The following JARID2 variants were observed in gnomAD, a reference collection of about 807,000 sequenced individuals.
The protein encoded by JARID2 is jumonji and AT-rich interaction domain containing 2, also known as protein Jumonji.
A neutral mutation model predicts 125.6 loss-of-function variants in JARID2; 21 were observed. The ratio of observed to expected loss-of-function variants is 0.17; its 90% CI spans 0.12 to 0.24. The LOEUF is 0.24. Among genes scored for constraint, JARID2 ranks in the 10% least tolerant of loss-of-function variants. The pLI is 1.00. For synonymous variants in JARID2, 736 were observed against 661.6 expected (o/e 1.11, Z -1.73); for missense variants, 1,303 against 1,639.6 (o/e 0.79, Z 3.55).
intron 4 of JARID2, among the ~76,000 whole-genome samples, chr6:15,463,078 A>AT (rs144808476): frequency 0.031 from 4,726 of 152,122 alleles, 232 homozygotes; most frequent in African/African-American, 0.11. Context: ...CCAAGTTCAG[A>AT]TTTTTTTTAC....
rs766824162 is a variant in JARID2, at chr6:15,496,120, G to C, written c.907-12G>C. On this transcript the variant is annotated splice_polypyrimidine_tract_variant and intron_variant, in intron 6 of 17. Transcript: ENST00000341776. ...TGCGTTTTTTTCCACCTCTGCTTCT[G>C]CTGCTCCACAGGTTTCTAAGGTAAA... 6.3e-7 allele frequency: 1 copy of C among 1,593,092 alleles called. No individual in the cohort carries two copies. The highest frequency in any genetic ancestry group is 8.6e-7 in the Non-Finnish European group (1 of 1,167,640).
chr6:15,496,416 C>T lies in JARID2; in HGVS notation c.1191C>T (p.Ser397=). The T allele has an allele frequency of 6.2e-7, 1 of 1,613,736 alleles. No homozygotes were observed. Among genetic ancestry groups the T allele is most frequent in the Non-Finnish European group, 8.5e-7 (1 of 1,179,900 alleles). ...AGGTGCTATCCCTCGGGGGGGCGTC[C>T]AAGTCCACTGGGCCCGCCGTCAATG... ...RKQVLSLGGA[S]KSTGPAVNGL... The change falls in exon 7 of 18, where the codon TCC becomes TCT. Residue 397 remains serine (S), a synonymous_variant. Transcript: ENST00000341776.
chr6:15,406,894 C>T (rs758576849), intron 2 of JARID2, among the ~76,000 whole-genome samples: 3 of 152,054 alleles, frequency 2.0e-5, no homozygotes, highest in Non-Finnish European at 2.9e-5. Flanking sequence ...CTATTTGTCA[C>T]GTTGGCTGAT....
At chr6:15,512,173 G>A in intron 13 of JARID2, 35 bp from the exon 14 acceptor site, 1 of 1,600,880 alleles carries the variant, frequency 6.2e-7, no homozygotes, top group Non-Finnish European at 8.5e-7. Flanking sequence ...CCTGCGCACA[G>A]GGAGGGGTGC....
intron 1 of JARID2, among the ~76,000 whole-genome samples, chr6:15,304,627 AAAATCAATCAAC>A (rs1343483391): frequency 4.6e-5 from 7 of 152,134 alleles, no homozygotes; most frequent in African/African-American, 1.4e-4. Flanking sequence ...TCTCTTTAAA[AAAATCAATCAAC>A]AAATATTTAT....
chr6:15,331,695 G>A (rs1160798700), intron 1 of JARID2, among the ~76,000 whole-genome samples: 1 of 151,924 alleles, frequency 6.6e-6, no homozygotes, highest in African/African-American at 2.4e-5. Context: ...GAGAAACCCC[G>A]ACTCTACAAA....
chr6:15,303,043 G>A (rs184205394), intron 1 of JARID2, among the ~76,000 whole-genome samples: 1 of 152,300 alleles, frequency 6.6e-6, no homozygotes, highest in Admixed American at 6.5e-5. Flanking sequence ...ATTTTTCAAA[G>A]TGAGCAATGG....
At chr6:15,356,850 A>C (rs903745678) in intron 1 of JARID2, among the ~76,000 whole-genome samples, 2 of 151,996 alleles carry the variant, frequency 1.3e-5, no homozygotes, top group Non-Finnish European at 2.9e-5. Flanking sequence ...CCCCATCTCT[A>C]TTAAAAATAC....
At chr6:15,509,731 G>C (rs1472016387) in intron 12 of JARID2, among the ~76,000 whole-genome samples, 1 of 152,228 alleles carries the variant, frequency 6.6e-6, no homozygotes, top group Non-Finnish European at 1.5e-5. Context: ...GTCATCCCCA[G>C]GCCAGTGACC....
chr6:15,386,312 GTGTGTGTGTA>G (rs1764784918), intron 2 of JARID2, among the ~76,000 whole-genome samples: 1 of 149,324 alleles, frequency 6.7e-6, no homozygotes. Flanking sequence ...TTCTGTGTGG[GTGTGTGTGTA>G]TGTGTGTGTT....
At chr6:15,402,496 TGTTA>T (rs777557905) in intron 2 of JARID2, among the ~76,000 whole-genome samples, 2 of 152,220 alleles carry the variant, frequency 1.3e-5, no homozygotes, top group Non-Finnish European at 2.9e-5. Context: ...AATTTGGGCC[TGTTA>T]GTTTATCTGA....
chr6:15,357,127 C>G (rs1581450564), intron 1 of JARID2, among the ~76,000 whole-genome samples: 2 of 152,188 alleles, frequency 1.3e-5, no homozygotes, highest in African/African-American at 4.8e-5. Flanking sequence ...GGGAACGAAG[C>G]CTTACTGGCA....
intron 1 of JARID2, chr6:15,369,282 C>A: frequency 2.2e-6 from 1 of 458,636 alleles, no homozygotes. Flanking sequence ...CCACTTGGCA[C>A]AGTGTTTTTT....
At chr6:15,401,240 C>G (rs2127555584) in intron 2 of JARID2, among the ~76,000 whole-genome samples, 1 of 152,158 alleles carries the variant, frequency 6.6e-6, no homozygotes, top group South Asian at 2.1e-4. Flanking sequence ...GATATCCTCC[C>G]TAGGGGCAAT....
chr6:15,334,082 A>G (rs1043703889), intron 1 of JARID2, among the ~76,000 whole-genome samples: 7 of 152,220 alleles, frequency 4.6e-5, no homozygotes, highest in African/African-American at 1.7e-4. Context: ...AGGTGTTCCC[A>G]GAGCATGTAT....
intron 3 of JARID2, among the ~76,000 whole-genome samples, chr6:15,421,538 C>A (rs148418796): frequency 1.3e-5 from 2 of 152,074 alleles, no homozygotes; most frequent in African/African-American, 2.4e-5. Context: ...AAGCCTGTGA[C>A]TATTAGAAGT....
At chr6:15,401,374 A>G (rs1442528643) in intron 2 of JARID2, among the ~76,000 whole-genome samples, 1 of 152,192 alleles carries the variant, frequency 6.6e-6, no homozygotes, top group Admixed American at 6.5e-5. Flanking sequence ...ATGACTTTAG[A>G]CATTTCTCTG....
At chr6:15,400,570 A>T (rs533119654) in intron 2 of JARID2, among the ~76,000 whole-genome samples, 1 of 151,998 alleles carries the variant, frequency 6.6e-6, no homozygotes, top group African/African-American at 2.4e-5. Flanking sequence ...CCCTCCCCCC[A>T]TATGTCAGAA....
At chr6:15,440,710 T>C (rs1767408240) in intron 3 of JARID2, among the ~76,000 whole-genome samples, 1 of 152,226 alleles carries the variant, frequency 6.6e-6, no homozygotes, top group Non-Finnish European at 1.5e-5. Flanking sequence ...AGACACTGTG[T>C]CTGTAATAGC....
Sources: gnomAD v4.1 joint callset for allele counts (sites outside exome capture counted in the v4.1 genomes callset) on GRCh38, gnomAD v4.1.1 for gene constraint, MANE v1.5 for transcripts, NCBI Gene and HGNC (gene_info 2026-07-23, HGNC 2026-07-21) for gene names.